The following STAG1 variants were observed in gnomAD, a reference collection of about 807,000 sequenced individuals.
The protein encoded by STAG1 is cohesin subunit SA-1.
In STAG1, 26 loss-of-function variants were observed where a neutral mutation model predicts 170.9. The observed-to-expected ratio is 0.15, with a 90% CI of 0.11 to 0.21. The LOEUF is 0.21. Ranked by LOEUF, STAG1 falls within the 10% of genes least tolerant of loss-of-function variation. The pLI, the probability that STAG1 is intolerant of heterozygous loss-of-function variation, is 1.00. For missense variants in STAG1, 964 were observed against 1,509.5 expected (o/e 0.64, Z 5.99); for synonymous variants, 514 against 497.7 (o/e 1.03, Z -0.44).
chr3:136,535,941 TAACA>T (rs1324773555), intron 6 of STAG1, among the ~76,000 whole-genome samples: 1 of 152,192 alleles, frequency 6.6e-6, no homozygotes, highest in Non-Finnish European at 1.5e-5. Flanking sequence ...TAATAATAAT[TAACA>T]AATATAAATG....
intron 1 of STAG1, among the ~76,000 whole-genome samples, chr3:136,669,682 C>A (rs1941920197): frequency 6.6e-6 from 1 of 152,088 alleles, no homozygotes; most frequent in South Asian, 2.1e-4. Flanking sequence ...CATTTTACAA[C>A]TGACATTACA....
intron 21 of STAG1, among the ~76,000 whole-genome samples, chr3:136,399,914 A>T (rs1009335765): frequency 6.6e-6 from 1 of 152,178 alleles, no homozygotes; most frequent in African/African-American, 2.4e-5. Flanking sequence ...AAACTTTCTG[A>T]AAAGAAACAA....
chr3:136,340,829 G>A (rs577150117), intron 31 of STAG1, among the ~76,000 whole-genome samples: 1 of 152,138 alleles, frequency 6.6e-6, no homozygotes, highest in African/African-American at 2.4e-5. Context: ...CAATAATAAC[G>A]GTTGTTAACA....
At chr3:136,589,824 G>A (rs905309481) in intron 4 of STAG1, among the ~76,000 whole-genome samples, 15 of 151,456 alleles carry the variant, frequency 9.9e-5, no homozygotes, top group Non-Finnish European at 2.1e-4. Context: ...CCAGCTACTC[G>A]GGAGGCTGAG....
chr3:136,600,617 T>TA (rs1938618861), intron 4 of STAG1, among the ~76,000 whole-genome samples: 1 of 152,096 alleles, frequency 6.6e-6, no homozygotes, highest in African/African-American at 2.4e-5. Context: ...ATGCAACCTC[T>TA]ACCTCCCGGG....
At chr3:136,573,752 C>G (rs1171676966) in intron 4 of STAG1, among the ~76,000 whole-genome samples, 1 of 152,046 alleles carries the variant, frequency 6.6e-6, no homozygotes, top group African/African-American at 2.4e-5. Context: ...GCGGGCGGAT[C>G]ACGAGGTCAG....
intron 9 of STAG1, among the ~76,000 whole-genome samples, chr3:136,492,803 A>G (rs2090147163): frequency 6.6e-6 from 1 of 152,242 alleles, no homozygotes; most frequent in African/African-American, 2.4e-5. Context: ...AGTAAATTAG[A>G]AGACAGTAAG....
Position 136,464,906 on chromosome 3 carries a change from C to T in STAG1, c.1288G>A (p.Ala430Thr). ...TTTTTGTGAAGGAACTCTCCAGCTG[C>T]CACAGCAACAGGGCGATGTGCCGAG... ...VYSAHRPVAV[A>T]AGEFLHKKLF... is the part of the protein sequence containing the mutation. The change falls in exon 13 of 34, where the codon GCA (alanine) becomes ACA (threonine). Residue 430 changes from alanine (A) to threonine (T), a missense_variant. Around this residue, in one of 11 missense-constraint regions of STAG1, gnomAD observed 162 missense variants for 211.2 expected, o/e 0.77. Coordinates refer to ENST00000383202, the MANE Select transcript of STAG1 (RefSeq NM_005862.3). 6.2e-7 allele frequency: 1 copy of T among 1,612,212 alleles called. No homozygotes were observed. The highest frequency in any genetic ancestry group is 8.5e-7 in the Non-Finnish European group (1 of 1,179,276).
chr3:136,455,869 C>A (rs1368437528), intron 13 of STAG1, among the ~76,000 whole-genome samples: 1 of 152,140 alleles, frequency 6.6e-6, no homozygotes, highest in African/African-American at 2.4e-5. Flanking sequence ...CAATATAGTT[C>A]CAGGGAAGTG....
chr3:136,435,782 G>T (rs1173841446), intron 15 of STAG1, among the ~76,000 whole-genome samples: 1 of 151,994 alleles, frequency 6.6e-6, no homozygotes, highest in Non-Finnish European at 1.5e-5. Context: ...TGATTCTCCT[G>T]CCTCAGCCTC....
At chr3:136,669,856 T>C (rs1941925914) in intron 1 of STAG1, among the ~76,000 whole-genome samples, 1 of 152,252 alleles carries the variant, frequency 6.6e-6, no homozygotes, top group Non-Finnish European at 1.5e-5. Context: ...TTACAAGGTA[T>C]AACATTTACT....
intron 5 of STAG1, among the ~76,000 whole-genome samples, chr3:136,551,395 AG>A (rs1355223462): frequency 4.0e-5 from 6 of 148,782 alleles, no homozygotes; most frequent in Non-Finnish European, 8.9e-5. Context: ...TCTGCAAGCT[AG>A]GACTATAGGC....
intron 4 of STAG1, among the ~76,000 whole-genome samples, chr3:136,588,185 G>C (rs1163963404): frequency 6.6e-6 from 1 of 152,152 alleles, no homozygotes; most frequent in Non-Finnish European, 1.5e-5. Context: ...TAATCAATCA[G>C]TAGATATATA....
At chr3:136,500,110 A>G in intron 9 of STAG1, 113 bp downstream of exon 9, 1 of 726,284 alleles carries the variant, frequency 1.4e-6, no homozygotes, top group Admixed American at 3.0e-5. Flanking sequence ...GTTGTTTTCC[A>G]GAAAACAAAA....
intron 13 of STAG1, among the ~76,000 whole-genome samples, chr3:136,464,129 T>A (rs1027506528): frequency 2.6e-5 from 4 of 151,712 alleles, no homozygotes; most frequent in African/African-American, 9.7e-5. Context: ...CTGATTAAAA[T>A]AATCCTGATC....
At chr3:136,723,320 T>C (rs1282519966) in intron 1 of STAG1, among the ~76,000 whole-genome samples, 73 of 142,298 alleles carry the variant, frequency 5.1e-4, no homozygotes, top group Non-Finnish European at 3.0e-4. Flanking sequence ...TCGTCTGAGA[T>C]GTGGGGAGCG....
intron 1 of STAG1, among the ~76,000 whole-genome samples, chr3:136,706,198 C>T (rs1447423280): frequency 3.9e-5 from 6 of 152,196 alleles, no homozygotes; most frequent in Admixed American, 3.9e-4. Flanking sequence ...AGCTGTCCCT[C>T]TAACATCAGA....
chr3:136,413,375 CAT>C (rs1207402341), intron 21 of STAG1, among the ~76,000 whole-genome samples: 2 of 149,406 alleles, frequency 1.3e-5, no homozygotes, highest in East Asian at 2.0e-4. Context: ...TTTTCTGTAA[CAT>C]GTCTATAATT....
At chr3:136,591,359 AAAGG>A (rs572258326) in intron 4 of STAG1, 11 of 154,868 alleles carry the variant, frequency 7.1e-5, no homozygotes, top group South Asian at 1.7e-4. Flanking sequence ...AGGAAGGAAG[AAAGG>A]AAGGAAGGAA....
Sources: gnomAD v4.1 joint callset for allele counts (sites outside exome capture counted in the v4.1 genomes callset) on GRCh38, gnomAD v4.1.1 for gene constraint, gnomAD v4.1.1 regional missense constraint, MANE v1.5 for transcripts, NCBI Gene and HGNC (gene_info 2026-07-23, HGNC 2026-07-21) for gene names.